Variants in ARHGAP17 observed in about 807,000 individuals in gnomAD.
ARHGAP17 encodes Rho GTPase activating protein 17.
A neutral mutation model predicts 99.5 loss-of-function variants in ARHGAP17; 57 were observed. The ratio of observed to expected loss-of-function variants is 0.57; its 90% CI spans 0.46 to 0.71. ARHGAP17 has a LOEUF of 0.71. ARHGAP17 is among the 30% of genes least tolerant of loss of function. The pLI is 0.00. For synonymous variants in ARHGAP17, 417 were observed against 429.6 expected (o/e 0.97, Z 0.36); for missense variants, 1,000 against 1,122.4 (o/e 0.89, Z 1.56).
At chr16:24,933,439 G>A (rs1029113627) in intron 18 of ARHGAP17, among the ~76,000 whole-genome samples, 35 of 150,764 alleles carry the variant, frequency 2.3e-4, no homozygotes, top group East Asian at 2.0e-4. Flanking sequence ...CTATTATCAC[G>A]CCACTGCATT....
rs146682873 is a variant in ARHGAP17 at position 24,939,504 on chromosome 16, C to T, written c.1584G>A (p.Pro528=). 9.3e-6 allele frequency: 15 copies of T among 1,610,568 alleles called. No homozygotes were observed. The highest frequency in any genetic ancestry group is 2.2e-5 in the East Asian group (1 of 44,808). ...HISPAFQPPL[P]PTDGSTVVPA... ...GCACCACGGTGCTGCCATCTGTGGG[C>T]GGAAGTGGCGGCTGGAAAGCGGGGG... The change falls in exon 17 of 20, where the codon CCG becomes CCA. Residue 528 remains proline, a synonymous_variant. Transcript: ENST00000289968.
At chr16:24,952,492 A>G (rs981218112) in intron 11 of ARHGAP17, 122 bp from the exon 12 acceptor site, 1 of 663,518 alleles carries the variant, frequency 1.5e-6, no homozygotes, top group Non-Finnish European at 2.4e-6. Flanking sequence ...ATAACAAATC[A>G]TAAGTTGGCA....
At chr16:25,006,300 A>G (rs1225275021) in intron 1 of ARHGAP17, among the ~76,000 whole-genome samples, 3 of 151,570 alleles carry the variant, frequency 2.0e-5, no homozygotes, top group African/African-American at 7.3e-5. Flanking sequence ...AAAAAAAAAA[A>G]TTAGCCGGAC....
intron 19 of ARHGAP17, chr16:24,927,592 G>C (rs1267278530): frequency 9.3e-6 from 5 of 539,916 alleles, no homozygotes; most frequent in Non-Finnish European, 1.4e-5. Flanking sequence ...AGCAGGCAGG[G>C]TTAGGGTGGC....
intron 1 of ARHGAP17, among the ~76,000 whole-genome samples, chr16:25,011,596 T>A (rs571771107): frequency 2.0e-5 from 3 of 151,910 alleles, no homozygotes; most frequent in Non-Finnish European, 4.4e-5. Context: ...TCCCAGCTAC[T>A]TGGGAGGCTG....
At chr16:24,951,495 C>T (rs115933847) in intron 12 of ARHGAP17, among the ~76,000 whole-genome samples, 2,446 of 152,286 alleles carry the variant, frequency 0.016, 63 homozygotes, top group African/African-American at 0.055. Context: ...TTTCAATAAA[C>T]ATATAGGAAA....
At chr16:25,005,377 C>G (rs1043651890) in intron 1 of ARHGAP17, among the ~76,000 whole-genome samples, 1 of 152,184 alleles carries the variant, frequency 6.6e-6, no homozygotes, top group Non-Finnish European at 1.5e-5. Flanking sequence ...CATGAATGTG[C>G]AAGGTTTCAT....
intron 1 of ARHGAP17, among the ~76,000 whole-genome samples, chr16:25,007,431 T>C (rs867097327): frequency 6.6e-6 from 1 of 152,196 alleles, no homozygotes; most frequent in African/African-American, 2.4e-5. Context: ...GGTGGCAGGA[T>C]CACAGTTCAC....
At chr16:24,965,689 G>T (rs571226519) in intron 6 of ARHGAP17, among the ~76,000 whole-genome samples, 1 of 152,260 alleles carries the variant, frequency 6.6e-6, no homozygotes, top group African/African-American at 2.4e-5. Context: ...GTTCAAGTTT[G>T]GAGCTCAGCT....
intron 1 of ARHGAP17, among the ~76,000 whole-genome samples, chr16:25,008,349 G>T (rs1178339687): frequency 6.6e-6 from 1 of 152,040 alleles, no homozygotes; most frequent in Non-Finnish European, 1.5e-5. Context: ...AGACCCCACT[G>T]GAAGTATTAC....
At chr16:24,943,366 C>T (rs1193932490) in intron 15 of ARHGAP17, among the ~76,000 whole-genome samples, 1 of 152,218 alleles carries the variant, frequency 6.6e-6, no homozygotes, top group Non-Finnish European at 1.5e-5. Context: ...AAAAACCAAT[C>T]CCTGGTTCCC....
chr16:24,920,299 G>A (rs1016905916), intron 19 of ARHGAP17, 39 bp from the exon 20 acceptor site: 2 of 1,610,964 alleles, frequency 1.2e-6, no homozygotes. Flanking sequence ...TCAATGAGGG[G>A]TAACCCCCGA....
At chr16:24,969,988 C>G (rs938957605) in intron 4 of ARHGAP17, among the ~76,000 whole-genome samples, 1 of 151,910 alleles carries the variant, frequency 6.6e-6, no homozygotes, top group African/African-American at 2.4e-5. Context: ...GGTATACCTT[C>G]CCTCCTACAA....
chr16:24,951,723 A>G (rs2051650576), intron 12 of ARHGAP17, among the ~76,000 whole-genome samples: 1 of 152,222 alleles, frequency 6.6e-6, no homozygotes, highest in African/African-American at 2.4e-5. Context: ...TAGCTTATCT[A>G]TTGTAAGAAT....
rs186845837 is a variant in ARHGAP17 at position 24,920,110 on chromosome 16, G to C, written c.*20C>G. ...CACTCGCCAGGGTGGAAGTGGTGGA[G>C]GGCTGGGAAAGGGCTTTCTTCACAG... On this transcript the variant is annotated 3_prime_UTR_variant, in exon 20 of 20. Transcript: ENST00000289968. 6.2e-7 allele frequency: 1 copy of C among 1,609,910 alleles called. No individual in the cohort carries two copies. The highest frequency in any genetic ancestry group is 1.7e-5 in the Admixed American group (1 of 59,970).
At chr16:24,937,845 A>G (rs2051184614) in intron 17 of ARHGAP17, among the ~76,000 whole-genome samples, 1 of 152,214 alleles carries the variant, frequency 6.6e-6, no homozygotes, top group African/African-American at 2.4e-5. Flanking sequence ...GTGGATAAAC[A>G]GCCTGTCCTT....
chr16:24,986,249 T>G (rs1251954103), intron 1 of ARHGAP17, among the ~76,000 whole-genome samples: 1 of 152,172 alleles, frequency 6.6e-6, no homozygotes, highest in Non-Finnish European at 1.5e-5. Context: ...GAACCACTAT[T>G]TCCCCCATTT....
intron 9 of ARHGAP17, among the ~76,000 whole-genome samples, chr16:24,959,210 C>T (rs2051906397): frequency 6.6e-6 from 1 of 152,200 alleles, no homozygotes; most frequent in South Asian, 2.1e-4. Flanking sequence ...GATTCAATCA[C>T]ACTTATTATT....
At chr16:24,993,181 T>A (rs1320436935) in intron 1 of ARHGAP17, among the ~76,000 whole-genome samples, 2 of 152,172 alleles carry the variant, frequency 1.3e-5, no homozygotes, top group Non-Finnish European at 2.9e-5. Flanking sequence ...TAAAAAAAAA[T>A]TAATAGTAAT....
Sources: gnomAD v4.1 joint callset for allele counts (sites outside exome capture counted in the v4.1 genomes callset) on GRCh38, gnomAD v4.1.1 for gene constraint, MANE v1.5 for transcripts, NCBI Gene and HGNC (gene_info 2026-07-23, HGNC 2026-07-21) for gene names.